RBFOX1: variants seen among roughly 807,000 people sequenced by gnomAD.
RBFOX1 encodes the protein RNA binding fox-1 homolog 1.
A neutral mutation model predicts 57.7 loss-of-function variants in RBFOX1; 8 were observed. That is an observed-to-expected ratio of 0.14 (90% confidence interval 0.08 to 0.25). The LOEUF (loss-of-function observed/expected upper bound fraction) is 0.25. Among genes scored for constraint, RBFOX1 ranks in the 10% least tolerant of loss-of-function variants. The probability of loss-of-function intolerance (pLI) is 1.00; values close to 1 mark genes in which losing one functional copy is unlikely to be tolerated. For missense variants in RBFOX1, 611 were observed against 548.5 expected (o/e 1.11, Z -1.14); for synonymous variants, 326 against 222.4 (o/e 1.47, Z -4.15).
chr16:6,893,722 G>A (rs1485476274), intron 3 of RBFOX1, among the ~76,000 whole-genome samples: 1 of 152,192 alleles, frequency 6.6e-6, no homozygotes, highest in Non-Finnish European at 1.5e-5. Flanking sequence ...TGTAATTTGT[G>A]ATGAATTTTC....
intron 4 of RBFOX1, among the ~76,000 whole-genome samples, chr16:5,964,406 A>C (rs544799288): frequency 6.6e-6 from 1 of 152,186 alleles, no homozygotes; most frequent in Non-Finnish European, 1.5e-5. Context: ...TATAAATCCA[A>C]AGGAAATAAA....
intron 1 of RBFOX1, among the ~76,000 whole-genome samples, chr16:6,253,015 C>G (rs866979917): frequency 6.6e-6 from 1 of 152,092 alleles, no homozygotes; most frequent in South Asian, 2.1e-4. Context: ...TATTATAATC[C>G]ACTTTTACAG....
chr16:6,076,738 A>G (rs11640889), intron 1 of RBFOX1, among the ~76,000 whole-genome samples: 59,478 of 152,106 alleles, frequency 0.39, 12,633 homozygotes, highest in Non-Finnish European at 0.49. Context: ...TGGATAGACA[A>G]GCTCGCTGTC....
At chr16:5,581,676 G>T (rs2046672232) in intron 2 of RBFOX1, among the ~76,000 whole-genome samples, 1 of 152,176 alleles carries the variant, frequency 6.6e-6, no homozygotes, top group South Asian at 2.1e-4. Flanking sequence ...TGCAGAATGG[G>T]AACAGGGAAC....
intron 2 of RBFOX1, among the ~76,000 whole-genome samples, chr16:6,574,767 G>C (rs1454249630): frequency 1.3e-5 from 2 of 148,382 alleles, no homozygotes; most frequent in East Asian, 2.1e-4. Context: ...GGCTGGGCGT[G>C]GTGGCTCACG....
At chr16:5,642,517 G>C (rs1022528924) in intron 3 of RBFOX1, among the ~76,000 whole-genome samples, 1 of 152,146 alleles carries the variant, frequency 6.6e-6, no homozygotes, top group Non-Finnish European at 1.5e-5. Flanking sequence ...TGCAATCTGA[G>C]GCTGGGATTG....
At position 6,848,302 on chromosome 16, in the gene RBFOX1, G is replaced by A. The variant is rs79063674; in HGVS notation, c.-16+193652G>A. On this transcript the variant is annotated intron_variant, in intron 3 of 15. Coordinates refer to ENST00000550418, the MANE Select transcript of RBFOX1 (RefSeq NM_018723.4). ...CATGTGGGAAGGTGGGCATAGTATG[G>A]CCAGGCTTTCTCATTTCTCCAGAGA... is the stretch of plus-strand genomic sequence containing the variant. Among the ~76,000 whole-genome samples the A allele has an allele frequency of 3.6e-3, 552 of 152,220 alleles. 6 individuals carry two copies. The highest frequency in any genetic ancestry group is 0.012 in the African/African-American group (493 of 41,536).
At chr16:7,280,902 A>G (rs2141144517) in intron 4 of RBFOX1, among the ~76,000 whole-genome samples, 1 of 151,994 alleles carries the variant, frequency 6.6e-6, no homozygotes, top group East Asian at 1.9e-4. Context: ...GAAAGGGTAC[A>G]TAATGGCAGC....
rs74005101 is a variant in RBFOX1 at position 6,352,222 on chromosome 16, G to A, written c.-64+35165G>A. On this transcript the variant is annotated intron_variant, in intron 2 of 15. Coordinates refer to ENST00000550418, the MANE Select transcript of RBFOX1 (RefSeq NM_018723.4). ...TCCTCCTTAGCTCTTATCCTTATCT[G>A]GAATGTTGTGTATTAACTTGTTTCC... 9.7e-3 allele frequency among the ~76,000 whole-genome samples: 1,482 copies of A among 152,202 alleles called. 31 individuals carry two copies. Among genetic ancestry groups the A allele is most frequent in the African/African-American group, 0.033 (1,389 of 41,528 alleles).
intron 3 of RBFOX1, among the ~76,000 whole-genome samples, chr16:5,785,510 T>A (rs995908949): frequency 3.3e-5 from 5 of 151,828 alleles, no homozygotes; most frequent in African/African-American, 1.2e-4. Flanking sequence ...TTTCTTTTCT[T>A]TTTTCTTTCT....
chr16:6,875,950 A>T (rs896361360), intron 3 of RBFOX1, among the ~76,000 whole-genome samples: 1 of 152,112 alleles, frequency 6.6e-6, no homozygotes, highest in African/African-American at 2.4e-5. Context: ...GTGAGCTGCA[A>T]TTATGTCACT....
At chr16:7,117,885 G>A (rs12444064) in intron 4 of RBFOX1, among the ~76,000 whole-genome samples, 37,014 of 152,066 alleles carry the variant, frequency 0.24, 5,308 homozygotes, top group East Asian at 0.4. Flanking sequence ...TGCAGGATTC[G>A]TGGCTGCTTG....
At chr16:7,630,416 G>A (rs2060760350) in intron 10 of RBFOX1, among the ~76,000 whole-genome samples, 187 bp from the exon 11 acceptor site, 1 of 151,832 alleles carries the variant, frequency 6.6e-6, no homozygotes. Context: ...CCGGGTTGTG[G>A]TGGGTGGGGG....
At chr16:5,405,005 CA>C (rs1176535106) in intron 1 of RBFOX1, among the ~76,000 whole-genome samples, 2 of 152,214 alleles carry the variant, frequency 1.3e-5, no homozygotes, top group African/African-American at 4.8e-5. Context: ...ATTTTACATG[CA>C]ATAATTCATT....
intron 4 of RBFOX1, among the ~76,000 whole-genome samples, chr16:7,332,149 G>A (rs1172947173): frequency 6.6e-6 from 1 of 152,208 alleles, no homozygotes; most frequent in African/African-American, 2.4e-5. Flanking sequence ...TAGGAATCGG[G>A]CTCTGGAATG....
At chr16:6,208,613 T>C (rs4786090) in intron 1 of RBFOX1, among the ~76,000 whole-genome samples, 63,731 of 152,106 alleles carry the variant, frequency 0.42, 13,598 homozygotes, top group East Asian at 0.72. Context: ...CTGACGGTGT[T>C]GTGAAGAAAT....
chr16:6,211,460 C>A (rs909348381), intron 1 of RBFOX1, among the ~76,000 whole-genome samples: 10 of 152,074 alleles, frequency 6.6e-5, no homozygotes, highest in Non-Finnish European at 5.9e-5. Flanking sequence ...GATCTCCTGA[C>A]CACGTGATCC....
At chr16:6,829,295 T>A (rs768504957) in intron 3 of RBFOX1, among the ~76,000 whole-genome samples, 2 of 151,802 alleles carry the variant, frequency 1.3e-5, no homozygotes, top group African/African-American at 4.8e-5. Flanking sequence ...AGTTCTACTT[T>A]TAGGAATTTA....
At chr16:5,534,143 A>G (rs1416938383) in intron 2 of RBFOX1, among the ~76,000 whole-genome samples, 3 of 152,148 alleles carry the variant, frequency 2.0e-5, no homozygotes, top group African/African-American at 7.2e-5. Flanking sequence ...GAGCCTAGTC[A>G]GGTGCCTAGG....
Sources: allele counts gnomAD v4.1 joint callset (sites outside exome capture counted in the v4.1 genomes callset), GRCh38; gene constraint gnomAD v4.1.1; transcripts MANE v1.5; gene names NCBI Gene and HGNC (gene_info 2026-07-23, HGNC 2026-07-21).